NAV2: variants seen among roughly 807,000 people sequenced by gnomAD.
NAV2 encodes the protein neuron navigator 2.
Under a neutral mutation model 223.2 loss-of-function variants are expected in NAV2, and 54 were observed. The ratio of observed to expected loss-of-function variants is 0.24; its 90% CI spans 0.19 to 0.30. NAV2 has a LOEUF of 0.30. Among genes scored for constraint, NAV2 ranks in the 10% least tolerant of loss-of-function variants. The pLI is 1.00. For missense variants in NAV2, 2,806 were observed against 3,147.5 expected, an observed-to-expected ratio of 0.89 and a Z score of 2.60; for synonymous variants, 1,279 against 1,239.3, an observed-to-expected ratio of 1.03 and a Z score of -0.67.
At chr11:20,092,466 T>C (rs931067946) in intron 28 of NAV2, 98 bp downstream of exon 28, 2 of 1,300,780 alleles carry the variant, frequency 1.5e-6, no homozygotes, top group Non-Finnish European at 2.2e-6. Context: ...ACAGATCAAA[T>C]GGAGAGGCAA....
intron 1 of NAV2, among the ~76,000 whole-genome samples, chr11:19,558,328 A>G (rs1185534650): frequency 6.6e-6 from 1 of 152,200 alleles, no homozygotes; most frequent in Admixed American, 6.5e-5. Context: ...GTAGGGCTGG[A>G]TGAGCCAAGA....
At chr11:19,757,506 A>C (rs749259548) in intron 1 of NAV2, among the ~76,000 whole-genome samples, 1 of 152,160 alleles carries the variant, frequency 6.6e-6, no homozygotes, top group East Asian at 1.9e-4. Context: ...TAACTGTGTG[A>C]CCTTAGGCAA....
At chr11:19,796,939 C>T (rs1283893463) in intron 1 of NAV2, among the ~76,000 whole-genome samples, 1 of 152,216 alleles carries the variant, frequency 6.6e-6, no homozygotes, top group African/African-American at 2.4e-5. Context: ...CACTTTCCTT[C>T]TTCTCCATCC....
intron 1 of NAV2, among the ~76,000 whole-genome samples, chr11:19,483,853 A>C (rs1283724952): frequency 6.6e-6 from 1 of 152,064 alleles, no homozygotes; most frequent in Non-Finnish European, 1.5e-5. Context: ...CTTTCAGAAG[A>C]CAAGACTGGG....
chr11:19,501,052 G>C (rs1288367724), intron 1 of NAV2, among the ~76,000 whole-genome samples: 2 of 152,242 alleles, frequency 1.3e-5, no homozygotes, highest in African/African-American at 4.8e-5. Flanking sequence ...CTCCTAGGGG[G>C]TGCCCACATT....
intron 10 of NAV2, among the ~76,000 whole-genome samples, chr11:19,956,006 C>T (rs1038949189): frequency 6.6e-6 from 1 of 152,114 alleles, no homozygotes; most frequent in African/African-American, 2.4e-5. Context: ...TTCTCTAGGC[C>T]GATCCCACTG....
chr11:20,011,486 T>C (rs1435435745), intron 11 of NAV2, among the ~76,000 whole-genome samples: 1 of 152,172 alleles, frequency 6.6e-6, no homozygotes, highest in Non-Finnish European at 1.5e-5. Context: ...CACACACTAG[T>C]TTAAATTCTT....
chr11:19,392,092 C>T (rs1001738970), intron 1 of NAV2, among the ~76,000 whole-genome samples: 6 of 152,152 alleles, frequency 3.9e-5, no homozygotes, highest in African/African-American at 1.4e-4. Context: ...ATTAATCAGA[C>T]TCTCCTTTTA....
At chr11:19,659,360 T>A (rs889165416) in intron 1 of NAV2, among the ~76,000 whole-genome samples, 3 of 152,088 alleles carry the variant, frequency 2.0e-5, no homozygotes, top group African/African-American at 4.8e-5. Context: ...TACGGCCAGA[T>A]GGTGTAGGGC....
intron 25 of NAV2, chr11:20,082,666 C>G (rs1767174859): frequency 1.4e-6 from 2 of 1,441,690 alleles, no homozygotes; most frequent in African/African-American, 1.4e-5. Context: ...CTAACCTCAT[C>G]CGCATCCATC....
intron 11 of NAV2, among the ~76,000 whole-genome samples, chr11:19,995,551 G>T (rs1231411673): frequency 1.3e-5 from 2 of 152,148 alleles, no homozygotes; most frequent in African/African-American, 4.8e-5. Context: ...GAGAGAGGTG[G>T]ATAGCTGTTG....
intron 11 of NAV2, among the ~76,000 whole-genome samples, chr11:19,987,439 C>T (rs1008251028): frequency 1.3e-5 from 2 of 152,166 alleles, no homozygotes; most frequent in African/African-American, 4.8e-5. Flanking sequence ...AGTGATTAGA[C>T]CTGATTAGAC....
chr11:20,099,332 T>C (rs372107378), intron 31 of NAV2, among the ~76,000 whole-genome samples: 3 of 152,200 alleles, frequency 2.0e-5, no homozygotes, highest in Admixed American at 6.5e-5. Flanking sequence ...GAGTTCAAAT[T>C]GCATTTCATC....
At chr11:19,580,366 T>C (rs916006138) in intron 1 of NAV2, among the ~76,000 whole-genome samples, 3 of 152,088 alleles carry the variant, frequency 2.0e-5, no homozygotes, top group South Asian at 2.1e-4. Flanking sequence ...AAGACATTTA[T>C]ATTTTACAGT....
intron 12 of NAV2, 84 bp from the exon 13 acceptor site, chr11:20,043,897 T>G: frequency 7.9e-7 from 1 of 1,262,164 alleles, no homozygotes; most frequent in Non-Finnish European, 1.1e-6. Context: ...ACTACTCCAG[T>G]GTTTTGGCAT....
intron 11 of NAV2, among the ~76,000 whole-genome samples, chr11:20,015,154 T>G (rs181107996): frequency 6.6e-6 from 1 of 152,232 alleles, no homozygotes; most frequent in East Asian, 1.9e-4. Context: ...CTTCTTTGGG[T>G]TTTTTTCCTG....
At chr11:19,603,051 A>G (rs1403575304) in intron 1 of NAV2, among the ~76,000 whole-genome samples, 1 of 152,178 alleles carries the variant, frequency 6.6e-6, no homozygotes, top group Non-Finnish European at 1.5e-5. Flanking sequence ...CTCCGTGGGC[A>G]GAGGGTTCAC....
At chr11:20,061,663 C>T (rs2153624831) in intron 19 of NAV2, among the ~76,000 whole-genome samples, 1 of 151,530 alleles carries the variant, frequency 6.6e-6, no homozygotes, top group East Asian at 1.9e-4. Flanking sequence ...CAGTTTGAAA[C>T]AGAAAAGAAG....
intron 11 of NAV2, among the ~76,000 whole-genome samples, chr11:20,028,040 G>A (rs1247793344): frequency 6.6e-6 from 1 of 152,200 alleles, no homozygotes; most frequent in South Asian, 2.1e-4. Flanking sequence ...CTCTGGAAGA[G>A]CTTGATATTA....
Sources: gnomAD v4.1 joint callset for allele counts (sites outside exome capture counted in the v4.1 genomes callset) on GRCh38, gnomAD v4.1.1 for gene constraint, MANE v1.5 for transcripts, NCBI Gene and HGNC (gene_info 2026-07-23, HGNC 2026-07-21) for gene names.